STX8: variants seen among roughly 807,000 people sequenced by gnomAD.
The protein encoded by STX8 is syntaxin-8.
STX8 carries 23 observed loss-of-function variants against 37.5 expected under a neutral mutation model. The observed-to-expected ratio is 0.61, with a 90% CI of 0.44 to 0.87. STX8 has a LOEUF of 0.87. Ranked by LOEUF, STX8 falls within the 40% of genes least tolerant of loss-of-function variation. The probability of loss-of-function intolerance (pLI) is 0.00; values close to 1 mark genes in which losing one functional copy is unlikely to be tolerated. For synonymous variants in STX8, 115 were observed against 99.1 expected (o/e 1.16, Z -0.95); for missense variants, 313 against 284.7 (o/e 1.10, Z -0.71).
intron 6 of STX8, among the ~76,000 whole-genome samples, chr17:9,408,876 A>G (rs182757264): frequency 1.3e-5 from 2 of 152,176 alleles, no homozygotes; most frequent in South Asian, 4.1e-4. Flanking sequence ...GGTCCTATGC[A>G]GGTCCAGGAG....
chr17:9,254,186 C>G (rs1180037398), intron 7 of STX8, among the ~76,000 whole-genome samples: 1 of 152,176 alleles, frequency 6.6e-6, no homozygotes, highest in Non-Finnish European at 1.5e-5. Flanking sequence ...TGTGTTTGAG[C>G]CATCCTGGCT....
chr17:9,491,863 C>A lies in STX8; in HGVS notation c.507G>T (p.Gly169=). Residue 169 remains glycine, a synonymous_variant, in exon 6 of 8, where the codon GGG becomes GGT. Coordinates refer to ENST00000306357, the MANE Select transcript of STX8 (RefSeq NM_004853.3). ...CATCCAATTCATTCCCAATTTCCTGCCCCATTTGTTTTTGGCGACTTATGA... is the reference window on the plus strand; with the variant it reads ...CATCCAATTCATTCCCAATTTCCTGACCCATTTGTTTTTGGCGACTTATGA... The part of the protein sequence containing the change: ...SSIISRQKQM[G]QEIGNELDEQ... The A allele has an allele frequency of 1.2e-6, 2 of 1,613,934 alleles. No individual in the cohort carries two copies. Among genetic ancestry groups the A allele is most frequent in the Non-Finnish European group, 8.5e-7 (1 of 1,179,974 alleles).
chr17:9,544,657 T>C (rs556764478), intron 4 of STX8, among the ~76,000 whole-genome samples: 6 of 152,262 alleles, frequency 3.9e-5, no homozygotes, highest in Admixed American at 6.5e-5. Flanking sequence ...CCACCCAAGA[T>C]GGGATTCAGC....
intron 6 of STX8, among the ~76,000 whole-genome samples, chr17:9,430,569 A>G (rs901166961): frequency 6.6e-6 from 1 of 151,956 alleles, no homozygotes; most frequent in African/African-American, 2.4e-5. Flanking sequence ...TTATGGCTGA[A>G]TAATAGACCA....
At chr17:9,340,215 G>C (rs1206307583) in intron 7 of STX8, among the ~76,000 whole-genome samples, 1 of 152,246 alleles carries the variant, frequency 6.6e-6, no homozygotes, top group Admixed American at 6.5e-5. Context: ...AAAGAGGGCA[G>C]CTGCTCCTTT....
chr17:9,349,034 C>G (rs140693244), intron 7 of STX8, among the ~76,000 whole-genome samples: 1 of 152,126 alleles, frequency 6.6e-6, no homozygotes, highest in Non-Finnish European at 1.5e-5. Flanking sequence ...TCTTGTTGCC[C>G]AGGCTGGAGT....
intron 7 of STX8, among the ~76,000 whole-genome samples, chr17:9,367,695 G>C (rs764647068): frequency 1.3e-5 from 2 of 152,210 alleles, no homozygotes; most frequent in Non-Finnish European, 2.9e-5. Context: ...CTCACCATTA[G>C]AAGTAAAATA....
chr17:9,515,252 A>T (rs1905129973), intron 4 of STX8, among the ~76,000 whole-genome samples: 1 of 152,212 alleles, frequency 6.6e-6, no homozygotes. Context: ...AAAATTTTAA[A>T]TAAATCTGTA....
At chr17:9,323,192 T>C (rs1597604030) in intron 7 of STX8, among the ~76,000 whole-genome samples, 1 of 152,212 alleles carries the variant, frequency 6.6e-6, no homozygotes, top group East Asian at 1.9e-4. Context: ...AGCTAAATCC[T>C]TATAAATCCT....
rs545020159 is a variant in STX8 at position 9,345,848 on chromosome 17, C to CTTTTTTTTTTTTTTTTTTTTT, written c.643+32703_643+32704insAAAAAAAAAAAAAAAAAAAAA. The stretch of plus-strand genomic sequence containing the variant: ...CATTATACCTCCGGGTTATGCATTC[C>CTTTTTTTTTTTTTTTTTTTTT]TTTTTTTTTTTTTTTTTTTTGAGAT... On this transcript the variant is annotated intron_variant, in intron 7 of 7. Transcript: ENST00000306357. Among the ~76,000 whole-genome samples, 31 of 52,078 alleles carry CTTTTTTTTTTTTTTTTTTTTT rather than the reference C, an allele frequency of 6.0e-4. 11 individuals are homozygous for CTTTTTTTTTTTTTTTTTTTTT. Among genetic ancestry groups the CTTTTTTTTTTTTTTTTTTTTT allele is most frequent in the Non-Finnish European group, 8.9e-4 (26 of 29,120 alleles). The allele number at this position is 52,078 out of a possible 152,430, so 34.2% of individuals were successfully genotyped here.
In STX8 at chr17:9,250,511, A is replaced by G. The variant is rs1163095044; in HGVS notation, c.*67T>C. On this transcript the variant is annotated 3_prime_UTR_variant, in exon 8 of 8. Coordinates refer to ENST00000306357, the MANE Select transcript of STX8 (RefSeq NM_004853.3). The stretch of plus-strand genomic sequence containing the variant: ...AATTTATTGAGAGCAGGTTTTGCGT[A>G]CCAAAAGGGTGTTGGGCTTGCATCT... The G allele has an allele frequency of 5.6e-6, 8 of 1,418,848 alleles. No homozygotes were observed. Among genetic ancestry groups the G allele is most frequent in the Non-Finnish European group, 7.8e-6 (8 of 1,025,162 alleles). The allele number at this position is 1,418,848 out of a possible 1,614,324, so 87.9% of individuals were successfully genotyped here. A position where few individuals can be genotyped will look rare whatever the true frequency, so the allele number is the denominator to read the frequency against.
intron 6 of STX8, among the ~76,000 whole-genome samples, chr17:9,486,372 C>A (rs1238823888): frequency 1.3e-5 from 2 of 152,126 alleles, no homozygotes; most frequent in East Asian, 1.9e-4. Context: ...GATATTTGAG[C>A]ATCAAAAGAA....
intron 7 of STX8, among the ~76,000 whole-genome samples, chr17:9,363,252 C>G (rs949492654): frequency 6.6e-6 from 1 of 152,174 alleles, no homozygotes; most frequent in Non-Finnish European, 1.5e-5. Flanking sequence ...GATTTTGCCT[C>G]TTCTCTCCCG....
chr17:9,431,988 A>G (rs1434415283), intron 6 of STX8, among the ~76,000 whole-genome samples: 1 of 152,206 alleles, frequency 6.6e-6, no homozygotes, highest in African/African-American at 2.4e-5. Context: ...AATAAAATCA[A>G]ACATTTCAAA....
chr17:9,526,420 C>T (rs113984070), intron 4 of STX8, among the ~76,000 whole-genome samples: 5,211 of 152,242 alleles, frequency 0.034, 138 homozygotes, highest in Non-Finnish European at 0.054. Flanking sequence ...ACATGCACGT[C>T]CTGGAACCAA....
chr17:9,517,615 A>C (rs1422806017), intron 4 of STX8, among the ~76,000 whole-genome samples: 1 of 152,062 alleles, frequency 6.6e-6, no homozygotes, highest in Non-Finnish European at 1.5e-5. Context: ...ACATCTTGTG[A>C]TTCTTAACCC....
At chr17:9,496,772 T>G (rs1904421102) in intron 5 of STX8, among the ~76,000 whole-genome samples, 1 of 151,694 alleles carries the variant, frequency 6.6e-6, no homozygotes, top group African/African-American at 2.4e-5. Context: ...TCAGAGGGAG[T>G]ATGAAGAAGG....
chr17:9,390,316 G>T (rs537210408), intron 6 of STX8, among the ~76,000 whole-genome samples: 1 of 151,240 alleles, frequency 6.6e-6, no homozygotes, highest in South Asian at 2.1e-4. Context: ...GAGATCAGGA[G>T]TTGAAGACCA....
chr17:9,342,506 G>A (rs1910396399), intron 7 of STX8, among the ~76,000 whole-genome samples: 1 of 152,186 alleles, frequency 6.6e-6, no homozygotes, highest in Admixed American at 6.5e-5. Flanking sequence ...ACTGGAGGAG[G>A]AGAAAGAGCT....
Sources: allele counts gnomAD v4.1 joint callset (sites outside exome capture counted in the v4.1 genomes callset), GRCh38; gene constraint gnomAD v4.1.1; transcripts MANE v1.5; gene names NCBI Gene and HGNC (gene_info 2026-07-23, HGNC 2026-07-21).